H3C4: variants seen among roughly 807,000 people sequenced by gnomAD.
H3C4 encodes histone H3.1.
A neutral mutation model predicts 8.7 loss-of-function variants in H3C4; 10 were observed. That is an observed-to-expected ratio of 1.15 (90% CI 0.71 to 1.96). The LOEUF is 1.96. H3C4 is among the 30% of genes most tolerant of loss of function. H3C4 has a pLI of 0.00. For synonymous variants in H3C4, 141 were observed against 80.1 expected (o/e 1.76, Z -4.06); for missense variants, 216 against 192.9 (o/e 1.12, Z -0.71).
At chr6:26,199,001 G>A (rs139543312), upstream of H3C4, 34 of 1,614,062 alleles carry the variant, frequency 2.1e-5, no homozygotes, top group Middle Eastern at 1.6e-4. Flanking sequence ...GCAGGTGTCG[G>A]GGGATGATGC....
At chr6:26,198,969 T>C, upstream of H3C4, 1 of 1,614,232 alleles carries the variant, frequency 6.2e-7, no homozygotes, top group Non-Finnish European at 8.5e-7. Context: ...GTTTAGCTCC[T>C]CGTCGTTGCG....
upstream of H3C4, among the ~76,000 whole-genome samples, chr6:26,198,616 G>C (rs564988114): frequency 6.6e-6 from 1 of 152,226 alleles, no homozygotes. Flanking sequence ...ACAGGCGTAA[G>C]GAACCGCGCC....
upstream of H3C4, chr6:26,199,135 T>TG (rs763626347): frequency 1.2e-5 from 19 of 1,614,094 alleles, no homozygotes; most frequent in Non-Finnish European, 1.4e-5. Context: ...TAGTTGCCCT[T>TG]GCGGAGCAAG....
chr6:26,198,501 TTTTTA>T (rs904833105), upstream of H3C4, among the ~76,000 whole-genome samples: 5 of 152,128 alleles, frequency 3.3e-5, no homozygotes, highest in African/African-American at 1.2e-4. Context: ...CCGACAAATT[TTTTTA>T]TTTTTAGTAA....
chr6:26,198,771 T>C (rs945070951), upstream of H3C4: 1 of 1,421,536 alleles, frequency 7.0e-7, no homozygotes. Flanking sequence ...TGTGAGCCCT[T>C]TTAAGGAATA....
At chr6:26,199,117 G>A (rs568525707), upstream of H3C4, 1 of 1,614,198 alleles carries the variant, frequency 6.2e-7, no homozygotes, top group Non-Finnish European at 8.5e-7. Context: ...GCCCCGACTC[G>A]CTCGGAGTAG....
rs1292574142 is a variant in H3C4, at chr6:26,197,072, T to C, written c.179A>G (p.Glu60Gly). 6.2e-7 allele frequency: 1 copy of C among 1,614,096 alleles called. No homozygotes were observed. Among genetic ancestry groups the C allele is most frequent in the Non-Finnish European group, 8.5e-7 (1 of 1,180,044 alleles). ...REIRRYQKST[E>G]LLIRKLPFQR... ...GAATGGCAGTTTGCGAATCAGCAGCTCGGTCGACTTCTGGTAGCGGCGGAT... is the reference window on the plus strand; with the variant it reads ...GAATGGCAGTTTGCGAATCAGCAGCCCGGTCGACTTCTGGTAGCGGCGGAT... The change falls in exon 1 of 1, where the codon GAG becomes GGG. Residue 60 changes from glutamate (E) to glycine (G), a missense_variant. By Grantham distance (98) the Glu-to-Gly change is moderately conservative (BLOSUM62 -2). Transcript: ENST00000356476.
upstream of H3C4, chr6:26,199,037 G>A (rs1428826548): frequency 1.9e-6 from 3 of 1,614,160 alleles, no homozygotes; most frequent in Non-Finnish European, 2.5e-6. Flanking sequence ...CGCGGGCGGC[G>A]TTGCCCGCCA....
At position 26,197,005 on chromosome 6, in the gene H3C4, A is replaced by T; in HGVS notation, c.246T>A (p.Asp82Glu). ...VREIAQDFKTDLRFQSSAVMA... is the reference protein window; with the variant it reads ...VREIAQDFKTELRFQSSAVMA... ...TCACCGCCGAGCTCTGAAAACGCAG[A>T]TCAGTCTTGAAGTCCTGCGCGATCT... Residue 82 changes from aspartate (D) to glutamate (E), a missense_variant, in exon 1 of 1, where the codon GAT becomes GAA. Coordinates refer to ENST00000356476, the MANE Select transcript of H3C4 (RefSeq NM_001376937.1). 1.2e-6 allele frequency: 2 copies of T among 1,614,222 alleles called. No homozygotes were observed. The highest frequency in any genetic ancestry group is 1.7e-6 in the Non-Finnish European group (2 of 1,180,040).
upstream of H3C4, among the ~76,000 whole-genome samples, chr6:26,198,295 G>A (rs1238455475): frequency 1.3e-5 from 2 of 152,096 alleles, no homozygotes; most frequent in South Asian, 2.1e-4. Flanking sequence ...AATTACATGT[G>A]ACATAAAGTC....
chr6:26,196,892 A>C lies in H3C4; in HGVS notation c.359T>G (p.Ile120Ser). Residue 120 changes from isoleucine (I) to serine (S), a missense_variant, in exon 1 of 1, where the codon ATC becomes AGC. Physicochemically the swap from Ile to Ser is moderately radical, Grantham distance 142. Transcript: ENST00000356476. ...LCAIHAKRVT[I>S]MPKDIQLARR... ...AGCAAGCTGGATGTCCTTGGGCATGATAGTCACTCGCTTGGCGTGAATGGC... is the reference window on the plus strand; with the variant it reads ...AGCAAGCTGGATGTCCTTGGGCATGCTAGTCACTCGCTTGGCGTGAATGGC... 4 of 1,614,226 alleles carry C rather than the reference A, an allele frequency of 2.5e-6. No individual in the cohort carries two copies. The highest frequency in any genetic ancestry group is 3.4e-6 in the Non-Finnish European group (4 of 1,180,030).
Position 26,196,829 on chromosome 6 carries a change from C to G in H3C4, c.*11G>C. 6.2e-7 allele frequency: 1 copy of G among 1,614,150 alleles called. No individual in the cohort carries two copies. Among genetic ancestry groups the G allele is most frequent in the Non-Finnish European group, 8.5e-7 (1 of 1,180,004 alleles). On this transcript the variant is annotated 3_prime_UTR_variant, in exon 1 of 1. Transcript: ENST00000356476. ...CTTTGGGTTTTGGTTAGCACACATT[C>G]ACAAGACAATTTACGCCCTCTCCCC...
chr6:26,198,729 G>C (rs754117574), upstream of H3C4: 4 of 974,658 alleles, frequency 4.1e-6, no homozygotes, highest in Non-Finnish European at 6.1e-6. Context: ...AATTATTAAA[G>C]AAAACTGCAA....
At position 26,197,067 on chromosome 6, in the gene H3C4, G is replaced by A. The variant is rs559589323; in HGVS notation, c.184C>T (p.Leu62=). 5.0e-6 allele frequency: 8 copies of A among 1,614,224 alleles called. No individual in the cohort carries two copies. In the East Asian group the frequency reaches 1.1e-4, roughly 22 times the overall value. Residue 62 remains leucine, a synonymous_variant, in exon 1 of 1, where the codon CTG becomes TTG. Transcript: ENST00000356476. The stretch of plus-strand genomic sequence containing the variant: ...CGCTGGAATGGCAGTTTGCGAATCA[G>A]CAGCTCGGTCGACTTCTGGTAGCGG... The part of the protein sequence containing the change: ...IRRYQKSTEL[L]IRKLPFQRLV...
Position 26,197,267 on chromosome 6 carries a change from C to T in H3C4, c.-17G>A, listed in dbSNP as rs749985769. The T allele has an allele frequency of 2.2e-5, 35 of 1,594,144 alleles. No individual in the cohort carries two copies. Among genetic ancestry groups the T allele is most frequent in the Non-Finnish European group, 2.6e-5 (30 of 1,174,644 alleles). On this transcript the variant is annotated 5_prime_UTR_variant, in exon 1 of 1. Transcript: ENST00000356476. The stretch of plus-strand genomic sequence containing the variant: ...ACGAGCCATTGCGAACTTCTAAACC[C>T]TGCTAAATGACGAAAAAACGAAAGT...
chr6:26,198,860 C>A, upstream of H3C4: 1 of 1,613,442 alleles, frequency 6.2e-7, no homozygotes, highest in South Asian at 1.1e-5. Flanking sequence ...TTTACTTGCC[C>A]TTGGCCTTGT....
chr6:26,198,115 T>G (rs1011432626), upstream of H3C4, among the ~76,000 whole-genome samples: 24 of 152,290 alleles, frequency 1.6e-4, no homozygotes, highest in East Asian at 4.6e-3. Flanking sequence ...TTCGTATCAT[T>G]AAGATGCATA....
chr6:26,199,214 C>T (rs117678923), upstream of H3C4: 1,972 of 1,607,200 alleles, frequency 1.2e-3, 54 homozygotes, highest in East Asian at 0.035. Context: ...TAGCTCGGGC[C>T]TTTCCGCCTT....
chr6:26,198,879 TCA>T (rs1491458120), upstream of H3C4: 50 of 1,614,064 alleles, frequency 3.1e-5, no homozygotes, highest in South Asian at 2.0e-4. Flanking sequence ...GTGGTGACTC[TCA>T]GTCTTCTTGG....
Sources: allele counts gnomAD v4.1 joint callset (sites outside exome capture counted in the v4.1 genomes callset), GRCh38; gene constraint gnomAD v4.1.1; transcripts MANE v1.5; gene names NCBI Gene and HGNC (gene_info 2026-07-23, HGNC 2026-07-21).